The following MACROD2 variants were observed in gnomAD, a reference collection of about 807,000 sequenced individuals.
MACROD2 encodes ADP-ribose glycohydrolase MACROD2.
MACROD2 carries 36 observed loss-of-function variants against 70.4 expected under a neutral mutation model. The observed-to-expected ratio is 0.51, with a 90% CI of 0.39 to 0.68. MACROD2 has a LOEUF of 0.68. MACROD2 is among the 30% of genes least tolerant of loss of function. The pLI is 0.00. For synonymous variants in MACROD2, 172 were observed against 178.8 expected, an observed-to-expected ratio of 0.96 and a Z score of 0.30; for missense variants, 496 against 538.4, an observed-to-expected ratio of 0.92 and a Z score of 0.78.
chr20:14,038,967 G>C (rs536904670), intron 2 of MACROD2, among the ~76,000 whole-genome samples: 8 of 152,172 alleles, frequency 5.3e-5, no homozygotes, highest in African/African-American at 1.7e-4. Context: ...CCATATTGAA[G>C]ATAAACTATA....
At chr20:15,225,806 C>T (rs1023950357) in intron 5 of MACROD2, among the ~76,000 whole-genome samples, 1 of 152,072 alleles carries the variant, frequency 6.6e-6, no homozygotes, top group African/African-American at 2.4e-5. Context: ...CCCATCTTGC[C>T]TTATTATATA....
chr20:15,975,956 T>G (rs1211794628), intron 13 of MACROD2, among the ~76,000 whole-genome samples: 1 of 152,222 alleles, frequency 6.6e-6, no homozygotes, highest in Non-Finnish European at 1.5e-5. Context: ...TTTTTAGAAA[T>G]TTTTATAAAA....
At chr20:14,861,287 A>G (rs2073313491) in intron 5 of MACROD2, among the ~76,000 whole-genome samples, 1 of 152,056 alleles carries the variant, frequency 6.6e-6, no homozygotes, top group Admixed American at 6.6e-5. Context: ...GCCTCGGAGG[A>G]AGGGCATCCT....
intron 6 of MACROD2, among the ~76,000 whole-genome samples, chr20:15,335,080 A>G (rs891835658): frequency 6.6e-6 from 1 of 151,752 alleles, no homozygotes; most frequent in Non-Finnish European, 1.5e-5. Context: ...GTTTTCTTAC[A>G]GCAGGGAAAA....
chr20:14,584,028 A>G (rs1209411109), intron 4 of MACROD2, among the ~76,000 whole-genome samples: 1 of 152,112 alleles, frequency 6.6e-6, no homozygotes. Flanking sequence ...GCCTCCAGGA[A>G]TTAGGGATGC....
chr20:14,445,012 C>G (rs1341103687), intron 3 of MACROD2, among the ~76,000 whole-genome samples: 1 of 152,050 alleles, frequency 6.6e-6, no homozygotes, highest in African/African-American at 2.4e-5. Flanking sequence ...ACTCTTGCCC[C>G]TCTGTAGTTT....
At chr20:14,395,384 G>A (rs1000118485) in intron 3 of MACROD2, among the ~76,000 whole-genome samples, 6 of 152,030 alleles carry the variant, frequency 3.9e-5, no homozygotes, top group Non-Finnish European at 7.4e-5. Context: ...GGGGAACAGA[G>A]CTATTCATAA....
intron 5 of MACROD2, among the ~76,000 whole-genome samples, chr20:15,136,951 T>G (rs1404671148): frequency 1.4e-5 from 2 of 144,564 alleles, no homozygotes; most frequent in African/African-American, 5.2e-5. Flanking sequence ...AAAAGACACA[T>G]GAAAAAATGC....
intron 4 of MACROD2, among the ~76,000 whole-genome samples, chr20:14,596,080 T>C (rs930952930): frequency 1.3e-5 from 2 of 151,790 alleles, no homozygotes; most frequent in Non-Finnish European, 2.9e-5. Flanking sequence ...CATTTATATA[T>C]ATATATGTAA....
At chr20:15,908,934 G>C (rs6043612) in intron 10 of MACROD2, among the ~76,000 whole-genome samples, 103,364 of 152,162 alleles carry the variant, frequency 0.68, 36,073 homozygotes, top group Non-Finnish European at 0.77. Flanking sequence ...AGCAGACAAT[G>C]GCTTGTTCCA....
chr20:15,639,089 A>G (rs971192292), intron 8 of MACROD2, among the ~76,000 whole-genome samples: 8 of 152,150 alleles, frequency 5.3e-5, no homozygotes, highest in African/African-American at 1.9e-4. Context: ...TTGTAGATCA[A>G]TCCTGGGCAC....
chr20:14,875,611 G>T (rs1284050081), intron 5 of MACROD2, among the ~76,000 whole-genome samples: 2 of 151,994 alleles, frequency 1.3e-5, no homozygotes, highest in Admixed American at 1.3e-4. Flanking sequence ...GTACCCAATA[G>T]GTAGTTTTTC....
At chr20:14,668,277 T>C (rs1159921872) in intron 4 of MACROD2, among the ~76,000 whole-genome samples, 2 of 151,930 alleles carry the variant, frequency 1.3e-5, no homozygotes, top group Non-Finnish European at 2.9e-5. Flanking sequence ...AGGGAACAAA[T>C]AGATTTAGAG....
chr20:15,249,569 T>C (rs2077136441), intron 6 of MACROD2, among the ~76,000 whole-genome samples: 3 of 152,154 alleles, frequency 2.0e-5, no homozygotes, highest in Admixed American at 2.0e-4. Flanking sequence ...CAAGGCTCCA[T>C]AGCAATTGCA....
chr20:14,560,803 T>G (rs966697112), intron 4 of MACROD2, among the ~76,000 whole-genome samples: 2 of 151,908 alleles, frequency 1.3e-5, no homozygotes, highest in African/African-American at 2.4e-5. Context: ...CAGAGTCATT[T>G]ATTTCCAAGG....
At chr20:15,119,426 A>C (rs1289283323) in intron 5 of MACROD2, among the ~76,000 whole-genome samples, 2 of 152,192 alleles carry the variant, frequency 1.3e-5, no homozygotes, top group Admixed American at 6.5e-5. Flanking sequence ...ACAGAGGTGC[A>C]AACAGGGCTG....
In MACROD2 at chr20:14,936,702, C is replaced by T. The variant is rs1040029225; in HGVS notation, c.418+251743C>T. Among the ~76,000 whole-genome samples the T allele has an allele frequency of 6.6e-5, 10 of 152,018 alleles. No individual in the cohort carries two copies. The South Asian group carries it at 1.9e-3, about 28-fold the overall frequency. ...ATGCATGTGAAGGGCCCAGAAACTTCAGGCTAATTGGCTCCATGGTAAATT... is the reference window on the plus strand; with the variant it reads ...ATGCATGTGAAGGGCCCAGAAACTTTAGGCTAATTGGCTCCATGGTAAATT... On this transcript the variant is annotated intron_variant, in intron 5 of 17. Coordinates refer to ENST00000684519, the MANE Select transcript of MACROD2 (RefSeq NM_001351661.2).
At chr20:15,836,539 T>C (rs990238921) in intron 8 of MACROD2, among the ~76,000 whole-genome samples, 2 of 152,230 alleles carry the variant, frequency 1.3e-5, no homozygotes, top group African/African-American at 2.4e-5. Context: ...TTTAGTTTCA[T>C]GTGGTTGACA....
At chr20:14,608,778 G>A (rs1982974281) in intron 4 of MACROD2, among the ~76,000 whole-genome samples, 1 of 152,078 alleles carries the variant, frequency 6.6e-6, no homozygotes, top group African/African-American at 2.4e-5. Context: ...AAATTGAATG[G>A]GTAATTGGGT....
Sources: allele counts gnomAD v4.1 joint callset (sites outside exome capture counted in the v4.1 genomes callset), GRCh38; gene constraint gnomAD v4.1.1; transcripts MANE v1.5; gene names NCBI Gene and HGNC (gene_info 2026-07-23, HGNC 2026-07-21).